GRB10: variants seen among roughly 807,000 people sequenced by gnomAD.
GRB10 encodes the protein growth factor receptor-bound protein 10.
A neutral mutation model predicts 80.9 loss-of-function variants in GRB10; 20 were observed. The observed-to-expected ratio is 0.25, with a 90% CI of 0.17 to 0.36. The LOEUF (loss-of-function observed/expected upper bound fraction) is 0.36, where lower values mean the gene tolerates loss of function less well. Ranked by LOEUF, GRB10 falls within the 10% of genes least tolerant of loss-of-function variation. The pLI, the probability that GRB10 is intolerant of heterozygous loss-of-function variation, is 1.00. For synonymous variants in GRB10, 291 were observed against 291.5 expected (o/e 1.00, Z 0.02); for missense variants, 548 against 747.7 (o/e 0.73, Z 3.12).
In GRB10 at chr7:50,608,067, G is replaced by A. The variant is rs111700570; in HGVS notation, c.1195-1653C>T. Among the ~76,000 whole-genome samples, 11 of 152,268 alleles carry A rather than the reference G, an allele frequency of 7.2e-5. 1 individual carries two copies. The highest frequency in any genetic ancestry group is 2.6e-4 in the African/African-American group (11 of 41,554). ...CAAGAGAAGAGCAAGAACAGGTCAG[G>A]GGAAATATTTGATGAGATAATGCCA... On this transcript the variant is annotated intron_variant, in intron 13 of 18. Transcript: ENST00000401949.
intron 7 of GRB10, among the ~76,000 whole-genome samples, chr7:50,632,723 G>T (rs183653312): frequency 8.7e-4 from 132 of 152,294 alleles, no homozygotes; most frequent in Middle Eastern, 3.4e-3. Flanking sequence ...ACAGGGTTGG[G>T]GGAGTGTGAG....
chr7:50,617,971 G>T, intron 10 of GRB10, 100 bp downstream of exon 10: 2 of 1,003,340 alleles, frequency 2.0e-6, no homozygotes, highest in Non-Finnish European at 3.2e-6. Flanking sequence ...AATGGTGAAA[G>T]ATGCGATCTC....
chr7:50,681,132 T>G (rs1252515390), intron 5 of GRB10, among the ~76,000 whole-genome samples: 1 of 152,240 alleles, frequency 6.6e-6, no homozygotes, highest in Non-Finnish European at 1.5e-5. Flanking sequence ...CTATGGCTGC[T>G]ATTTAGATTC....
intron 17 of GRB10, among the ~76,000 whole-genome samples, chr7:50,600,760 G>A (rs1456982106): frequency 6.6e-6 from 1 of 152,188 alleles, no homozygotes; most frequent in Admixed American, 6.5e-5. Flanking sequence ...TTCCATACAT[G>A]AAACGAGGGT....
At chr7:50,621,948 C>T (rs1045071184) in intron 8 of GRB10, among the ~76,000 whole-genome samples, 14 of 152,336 alleles carry the variant, frequency 9.2e-5, no homozygotes, top group Admixed American at 2.6e-4. Flanking sequence ...TGTGACTCCT[C>T]GGCAGAAACC....
chr7:50,610,087 C>G (rs1211938161), intron 13 of GRB10, among the ~76,000 whole-genome samples: 28 of 152,074 alleles, frequency 1.8e-4, no homozygotes, highest in Admixed American at 1.8e-3. Flanking sequence ...GCCCTCAGAC[C>G]CTCTTATCCT....
chr7:50,595,958 A>C (rs2046570647), intron 17 of GRB10: 1 of 168,462 alleles, frequency 5.9e-6, no homozygotes, highest in African/African-American at 2.4e-5. Context: ...TGAAATCGGA[A>C]TCCGTGTCTG....
At position 50,713,764 on chromosome 7, in the gene GRB10, T is replaced by A. The variant is rs1419356699; in HGVS notation, c.52-9856A>T. Among the ~76,000 whole-genome samples the A allele has an allele frequency of 2.3e-5, 3 of 130,558 alleles. No homozygotes were observed. The East Asian group carries it at 7.9e-4, about 35-fold the overall frequency. 85.7% of individuals were successfully genotyped at this position (130,558 alleles called of 152,430 possible). A position where few individuals can be genotyped will look rare whatever the true frequency, so the allele number is the denominator to read the frequency against. On this transcript the variant is annotated intron_variant, in intron 4 of 18. Coordinates refer to ENST00000401949, the MANE Select transcript of GRB10 (RefSeq NM_001350814.2). ...ACCTCCACCTCCTCCACCATCTCTA[T>A]CCCTCACCTCCACCTCCTCCATCTC...
intron 2 of GRB10, among the ~76,000 whole-genome samples, chr7:50,776,119 T>C (rs2077608601): frequency 6.6e-6 from 1 of 152,194 alleles, no homozygotes; most frequent in African/African-American, 2.4e-5. Flanking sequence ...CTAATCTCCT[T>C]ATCAAAAGGT....
chr7:50,700,187 T>A (rs1015346088), intron 5 of GRB10, among the ~76,000 whole-genome samples: 2 of 152,192 alleles, frequency 1.3e-5, no homozygotes, highest in African/African-American at 4.8e-5. Flanking sequence ...ATATCACTCA[T>A]CTGCAAACCA....
intron 7 of GRB10, among the ~76,000 whole-genome samples, chr7:50,642,278 TCA>T (rs139544102): frequency 1.7e-4 from 25 of 149,608 alleles, no homozygotes; most frequent in South Asian, 4.2e-4. Flanking sequence ...CTTGGAAACT[TCA>T]CACACACACA....
At chr7:50,627,220 C>T (rs1400764462) in intron 7 of GRB10, among the ~76,000 whole-genome samples, 1 of 152,080 alleles carries the variant, frequency 6.6e-6, no homozygotes, top group Non-Finnish European at 1.5e-5. Context: ...CTTAAAATGC[C>T]CAGGACAACT....
intron 7 of GRB10, among the ~76,000 whole-genome samples, chr7:50,662,206 G>A (rs1238386294): frequency 6.6e-6 from 1 of 152,182 alleles, no homozygotes; most frequent in Non-Finnish European, 1.5e-5. Flanking sequence ...CATGGCAGGA[G>A]GGGCAGCTTC....
chr7:50,705,140 C>A, intron 4 of GRB10: 2 of 985,554 alleles, frequency 2.0e-6, no homozygotes, highest in Non-Finnish European at 2.4e-6. Context: ...GCACACTGAC[C>A]TGGGAGCAAA....
intron 3 of GRB10, among the ~76,000 whole-genome samples, chr7:50,749,100 T>C (rs187161569): frequency 3.4e-5 from 5 of 147,508 alleles, no homozygotes; most frequent in African/African-American, 1.2e-4. Flanking sequence ...ATATAAAATG[T>C]TGGGTTTTTT....
chr7:50,625,193 A>T (rs1464797339), intron 8 of GRB10, among the ~76,000 whole-genome samples: 1 of 152,220 alleles, frequency 6.6e-6, no homozygotes, highest in Non-Finnish European at 1.5e-5. Context: ...CTTATATGTT[A>T]AAATTTTATG....
chr7:50,793,056 A>T (rs1219464830), intron 1 of GRB10: 1 of 141,576 alleles, frequency 7.1e-6, no homozygotes, highest in African/African-American at 2.6e-5. Flanking sequence ...CCCGGCCCGG[A>T]GGCGACGCCC....
intron 7 of GRB10, among the ~76,000 whole-genome samples, chr7:50,662,822 T>C (rs560754564): frequency 2.0e-5 from 3 of 152,332 alleles, no homozygotes; most frequent in African/African-American, 4.8e-5. Flanking sequence ...ATGTGAGTCT[T>C]GGTCTAACAT....
rs191567956 is a variant in GRB10 at position 50,610,978 on chromosome 7, T to A, written c.1194+1763A>T. On this transcript the variant is annotated intron_variant, in intron 13 of 18. Coordinates refer to ENST00000401949, the MANE Select transcript of GRB10 (RefSeq NM_001350814.2). ...AGCTTCTTGGAGTATACTACCACTT[T>A]CCTTTTTCATTTCCTTTTTTTTTTG... Among the ~76,000 whole-genome samples, 230 of 150,754 alleles carry A rather than the reference T, an allele frequency of 1.5e-3. 1 individual carries two copies. Among genetic ancestry groups the A allele is most frequent in the Middle Eastern group, 0.01 (3 of 286 alleles).
Sources: allele counts gnomAD v4.1 joint callset (sites outside exome capture counted in the v4.1 genomes callset), GRCh38; gene constraint gnomAD v4.1.1; transcripts MANE v1.5; gene names NCBI Gene and HGNC (gene_info 2026-07-23, HGNC 2026-07-21).